Variants in C3orf49 observed in about 807,000 individuals in gnomAD.
The protein encoded by C3orf49 is chromosome 3 open reading frame 49, also known as putative uncharacterized protein C3orf49.
A neutral mutation model predicts 13.3 loss-of-function variants in C3orf49; 27 were observed. The observed-to-expected ratio is 2.02, with a 90% CI of 1.49 to 2.79. The LOEUF (loss-of-function observed/expected upper bound fraction) is 2.79, where lower values mean the gene tolerates loss of function less well. C3orf49 is among the 30% of genes most tolerant of loss of function. The pLI is 0.00. For missense variants in C3orf49, 242 were observed against 134.2 expected (o/e 1.80, Z -3.97); for synonymous variants, 87 against 47.6 (o/e 1.83, Z -3.40).
chr3:63,819,332 C>CT lies in C3orf49; in HGVS notation c.-139dup. 1.7e-6 allele frequency: 1 copy of CT among 590,552 alleles called. No homozygotes were observed. The highest frequency in any genetic ancestry group is 3.0e-6 in the Non-Finnish European group (1 of 331,170). 36.6% of individuals were successfully genotyped at this position (590,552 alleles called of 1,614,324 possible). A position where few individuals can be genotyped will look rare whatever the true frequency, so the allele number is the denominator to read the frequency against. On this transcript the variant is annotated 5_prime_UTR_variant, in exon 1 of 7. Transcript: ENST00000295896. ...CCTGGAAGGGAATAAGGGAAAGACT[C>CT]TAAAAATTTCCTACATATTTTATTC...
intron 5 of C3orf49, chr3:63,834,040 C>G: frequency 7.7e-7 from 1 of 1,306,342 alleles, no homozygotes; most frequent in South Asian, 1.4e-5. Context: ...ACTGCCAAAA[C>G]TTTAAATATC....
intron 5 of C3orf49, chr3:63,839,813 T>C (rs1701720936): frequency 6.4e-7 from 1 of 1,557,112 alleles, no homozygotes; most frequent in Non-Finnish European, 8.8e-7. Flanking sequence ...TGGCTCTTGG[T>C]AACTTTCAAG....
chr3:63,825,166 C>G (rs1386120606), intron 2 of C3orf49, among the ~76,000 whole-genome samples: 2 of 152,148 alleles, frequency 1.3e-5, no homozygotes, highest in Non-Finnish European at 2.9e-5. Context: ...TTTCACTGCT[C>G]TATATATCCT....
intron 5 of C3orf49, chr3:63,837,878 G>T: frequency 1.9e-6 from 2 of 1,029,662 alleles, no homozygotes; most frequent in Non-Finnish European, 1.4e-6. Context: ...AATCCAGGTT[G>T]ATTCAGGCTG....
intron 2 of C3orf49, among the ~76,000 whole-genome samples, chr3:63,825,928 C>T (rs1701460216): frequency 6.6e-6 from 1 of 152,108 alleles, no homozygotes; most frequent in Non-Finnish European, 1.5e-5. Context: ...GAAGGGACAA[C>T]TAAATTGAGA....
At chr3:63,838,036 T>C in intron 5 of C3orf49, 1 of 1,609,732 alleles carries the variant, frequency 6.2e-7, no homozygotes, top group Non-Finnish European at 8.5e-7. Context: ...TCAGCAATTT[T>C]TTCATGTGCT....
chr3:63,834,146 C>T, intron 5 of C3orf49: 1 of 1,614,110 alleles, frequency 6.2e-7, no homozygotes, highest in South Asian at 1.1e-5. Flanking sequence ...GGCTTAGGAT[C>T]TGTTTCCATG....
At chr3:63,809,190 A>T in the C3orf49 span, among the ~76,000 whole-genome samples, 2 of 152,212 alleles carry the variant, frequency 1.3e-5, no homozygotes, top group African/African-American at 2.4e-5. Context: ...AAATTTGTTA[A>T]CTAGATATTT....
the C3orf49 span, among the ~76,000 whole-genome samples, chr3:63,811,109 A>C: frequency 9.2e-5 from 14 of 152,098 alleles, no homozygotes; most frequent in African/African-American, 2.9e-4. Flanking sequence ...TAGCCTCCCA[A>C]AGTGCTGAGA....
intron 5 of C3orf49, chr3:63,839,509 C>A: frequency 2.7e-6 from 2 of 727,880 alleles, no homozygotes; most frequent in Non-Finnish European, 2.4e-6. Context: ...GAAGAAAAGG[C>A]CAAGAAAATC....
intron 2 of C3orf49, chr3:63,826,966 AAG>A (rs1041534293): frequency 6.6e-6 from 1 of 152,148 alleles, no homozygotes; most frequent in Non-Finnish European, 1.5e-5. Flanking sequence ...AAAAAAGAAA[AAG>A]AGAGTAACCT....
intron 5 of C3orf49, among the ~76,000 whole-genome samples, chr3:63,843,112 A>ATTTG (rs767250587): frequency 3.8e-4 from 57 of 149,314 alleles, no homozygotes; most frequent in African/African-American, 8.7e-4. Flanking sequence ...CCGTATGTAT[A>ATTTG]TTTGTTTGTT....
the C3orf49 span, among the ~76,000 whole-genome samples, chr3:63,796,214 A>T: frequency 6.6e-6 from 1 of 152,202 alleles, no homozygotes; most frequent in East Asian, 1.9e-4. Context: ...TGCCCCCATC[A>T]TCTCTCACCT....
rs947589223 is a variant in C3orf49, at chr3:63,838,206, T to G, written c.849+6362T>G. 10 of 914,736 alleles carry G rather than the reference T, an allele frequency of 1.1e-5. No individual in the cohort carries two copies. In the Admixed American group the frequency reaches 3.1e-4, roughly 28 times the overall value. 56.7% of individuals were successfully genotyped at this position (914,736 alleles called of 1,614,324 possible). Reference sequence around the variant, plus strand: ...AAAATAGCTGTAACCCAAAGTACTATATCATCTTAGAATACACATTTTTTA... The same window carrying G: ...AAAATAGCTGTAACCCAAAGTACTAGATCATCTTAGAATACACATTTTTTA... On this transcript the variant is annotated intron_variant, in intron 5 of 6. Transcript: ENST00000295896.
intron 5 of C3orf49, among the ~76,000 whole-genome samples, chr3:63,844,799 C>T (rs1559605484): frequency 6.6e-6 from 1 of 152,172 alleles, no homozygotes; most frequent in African/African-American, 2.4e-5. Flanking sequence ...ATTTCCCACC[C>T]TCTAGAACCA....
At position 63,823,315 on chromosome 3, in the gene C3orf49, C is replaced by T. The variant is rs1238652277; in HGVS notation, c.191C>T (p.Ser64Phe). The T allele has an allele frequency of 1.4e-6, 1 of 703,032 alleles. No homozygotes were observed. Among genetic ancestry groups the T allele is most frequent in the South Asian group, 1.5e-5 (1 of 67,588 alleles). 43.5% of individuals were successfully genotyped at this position (703,032 alleles called of 1,614,324 possible). Residue 64 changes from serine to phenylalanine, a missense_variant, in exon 2 of 7, where the codon TCC (serine) becomes TTC (phenylalanine). Coordinates refer to ENST00000295896, the MANE Select transcript of C3orf49 (RefSeq NM_001355236.2). Reference sequence around the variant, plus strand: ...GTATTGGTCCCTAAAGAGGAATCATCCAGTGATAGTGACATGGGATTTCAT... The same window carrying T: ...GTATTGGTCCCTAAAGAGGAATCATTCAGTGATAGTGACATGGGATTTCAT... ...QNVLVPKEES[S>F]SDSDMGFHES...
the C3orf49 span, among the ~76,000 whole-genome samples, chr3:63,783,735 A>G: frequency 6.9e-6 from 1 of 145,936 alleles, no homozygotes; most frequent in African/African-American, 2.6e-5. Context: ...AATTAAATTA[A>G]TTAATTCATT....
Position 63,823,367 on chromosome 3 carries a change from T to C in C3orf49, c.243T>C (p.Asn81=). ...AAAGCCAGCAAAATCAGAAAAGTAA[T>C]TTGAAGACGAAAGTGAAGACTGCTT... ...FHESQQNQKS[N]LKTKVKTAFG... is the part of the protein sequence containing the mutation. The change falls in exon 2 of 7, where the codon AAT becomes AAC. Residue 81 remains asparagine (N), a synonymous_variant. Coordinates refer to ENST00000295896, the MANE Select transcript of C3orf49 (RefSeq NM_001355236.2). 1.4e-6 allele frequency: 1 copy of C among 703,300 alleles called. No individual in the cohort carries two copies. The highest frequency in any genetic ancestry group is 2.6e-6 in the Non-Finnish European group (1 of 385,090). The allele number at this position is 703,300 out of a possible 1,614,324, so 43.6% of individuals were successfully genotyped here. A position where few individuals can be genotyped will look rare whatever the true frequency, so the allele number is the denominator to read the frequency against.
chr3:63,840,952 G>T (rs1322643067), intron 5 of C3orf49, among the ~76,000 whole-genome samples: 2 of 152,188 alleles, frequency 1.3e-5, no homozygotes. Flanking sequence ...CTATAGAAGT[G>T]CACTCATGCA....
Sources: gnomAD v4.1 joint callset for allele counts (sites outside exome capture counted in the v4.1 genomes callset) on GRCh38, gnomAD v4.1.1 for gene constraint, MANE v1.5 for transcripts, NCBI Gene and HGNC (gene_info 2026-07-23, HGNC 2026-07-21) for gene names.